The following XXYLT1 variants were observed in gnomAD, a reference collection of about 807,000 sequenced individuals.
The protein encoded by XXYLT1 is xyloside xylosyltransferase 1.
Under a neutral mutation model 28.9 loss-of-function variants are expected in XXYLT1, and 20 were observed. The ratio of observed to expected loss-of-function variants is 0.69; its 90% confidence interval spans 0.49 to 1.00. XXYLT1 has a LOEUF of 1.00. Ranked by LOEUF, XXYLT1 falls within the 50% of genes least tolerant of loss-of-function variation. XXYLT1 has a pLI of 0.00. For synonymous variants in XXYLT1, 257 were observed against 253.8 expected, an observed-to-expected ratio of 1.01 and a Z score of -0.12; for missense variants, 542 against 560.1, an observed-to-expected ratio of 0.97 and a Z score of 0.33.
intron 2 of XXYLT1, among the ~76,000 whole-genome samples, chr3:195,186,816 T>C (rs1722215827): frequency 6.6e-6 from 1 of 151,952 alleles, no homozygotes; most frequent in African/African-American, 2.4e-5. Flanking sequence ...TGAAACTGAA[T>C]AAATCTTTGC....
At chr3:195,153,127 C>A (rs993298470) in intron 3 of XXYLT1, among the ~76,000 whole-genome samples, 1 of 152,254 alleles carries the variant, frequency 6.6e-6, no homozygotes. Context: ...TGCTTCCTCT[C>A]TCCCCTTCCA....
At position 195,102,052 on chromosome 3, in the gene XXYLT1, GAGGAGGAATGGA is replaced by G. The variant is rs1716817287; in HGVS notation, c.786-31953_786-31942del. ...GGAAGAGAGAAAGAGGAAGGGAGGA[GAGGAGGAATGGA>G]AGGAGGAAGGGAAGGGAAAGGGAGG... On this transcript the variant is annotated intron_variant, in intron 3 of 3. Coordinates refer to ENST00000310380, the MANE Select transcript of XXYLT1 (RefSeq NM_152531.5). Among the ~76,000 whole-genome samples the G allele has an allele frequency of 5.8e-5, 6 of 102,700 alleles. No individual in the cohort carries two copies. The South Asian group carries it at 2.3e-3, about 40-fold the overall frequency. 67.4% of individuals were successfully genotyped at this position (102,700 alleles called of 152,430 possible).
At chr3:195,080,678 G>A (rs960352783) in intron 3 of XXYLT1, among the ~76,000 whole-genome samples, 22 of 152,190 alleles carry the variant, frequency 1.4e-4, no homozygotes, top group Non-Finnish European at 2.6e-4. Flanking sequence ...ACACATGGTG[G>A]GGTGTTTTCC....
At chr3:195,177,467 T>C (rs544544289) in intron 2 of XXYLT1, among the ~76,000 whole-genome samples, 3 of 152,272 alleles carry the variant, frequency 2.0e-5, no homozygotes, top group African/African-American at 7.2e-5. Flanking sequence ...AGACACAGAA[T>C]GGCAAACAGA....
chr3:195,144,862 C>T (rs945009353), intron 3 of XXYLT1, among the ~76,000 whole-genome samples: 4 of 152,182 alleles, frequency 2.6e-5, no homozygotes, highest in Non-Finnish European at 5.9e-5. Context: ...ACACTCCGTA[C>T]CCCTCCTAAA....
At chr3:195,237,409 A>G (rs1193803050) in intron 1 of XXYLT1, among the ~76,000 whole-genome samples, 1 of 152,078 alleles carries the variant, frequency 6.6e-6, no homozygotes, top group Non-Finnish European at 1.5e-5. Flanking sequence ...GTTCTCTCTG[A>G]GCACCATGTG....
chr3:195,194,258 C>T (rs1352043298), intron 2 of XXYLT1, among the ~76,000 whole-genome samples: 1 of 150,986 alleles, frequency 6.6e-6, no homozygotes, highest in African/African-American at 2.4e-5. Context: ...ATATAAACAA[C>T]TCAATTATAT....
At chr3:195,202,845 C>G (rs1722916329) in intron 2 of XXYLT1, among the ~76,000 whole-genome samples, 1 of 152,170 alleles carries the variant, frequency 6.6e-6, no homozygotes, top group African/African-American at 2.4e-5. Flanking sequence ...TAGTTCATTT[C>G]TCTGTTAGCA....
At chr3:195,143,795 T>TAG (rs1323602156) in intron 3 of XXYLT1, among the ~76,000 whole-genome samples, 2 of 116,408 alleles carry the variant, frequency 1.7e-5, no homozygotes, top group Non-Finnish European at 3.4e-5. Context: ...TATATATATA[T>TAG]ATATAGATAG....
At chr3:195,114,051 G>A (rs1717918320) in intron 3 of XXYLT1, among the ~76,000 whole-genome samples, 1 of 152,224 alleles carries the variant, frequency 6.6e-6, no homozygotes, top group Non-Finnish European at 1.5e-5. Flanking sequence ...CTGAGTCAGT[G>A]CCAGGTCACA....
intron 1 of XXYLT1, among the ~76,000 whole-genome samples, chr3:195,237,819 GTTTGTT>G (rs1375031418): frequency 6.6e-6 from 1 of 151,988 alleles, no homozygotes; most frequent in Non-Finnish European, 1.5e-5. Flanking sequence ...TTTGTTGTTT[GTTTGTT>G]TTTAATACTT....
rs573899664 is a variant in XXYLT1 at position 195,070,045 on chromosome 3, C to G, written c.852G>C (p.Gly284=). 31 of 1,599,940 alleles carry G rather than the reference C, an allele frequency of 1.9e-5. No individual in the cohort carries two copies. The African/African-American group carries it at 3.7e-4, about 19-fold the overall frequency. ...TCACCCCGCTGTTGAAGCCCGGCAG[C>G]CCCTCGGGGGGCGGGCCCCCAACCC... ...QTRVGGPPPE[G]LPGFNSGVML... The change falls in exon 4 of 4, where the codon GGG becomes GGC. Residue 284 remains glycine, a synonymous_variant. Transcript: ENST00000310380.
intron 2 of XXYLT1, among the ~76,000 whole-genome samples, chr3:195,157,826 G>T (rs972926795): frequency 1.3e-5 from 2 of 152,214 alleles, no homozygotes; most frequent in Non-Finnish European, 2.9e-5. Flanking sequence ...GAACACACGA[G>T]TGCAACTTCC....
intron 1 of XXYLT1, among the ~76,000 whole-genome samples, chr3:195,237,943 G>A (rs1577183220): frequency 6.6e-6 from 1 of 151,638 alleles, no homozygotes; most frequent in Non-Finnish European, 1.5e-5. Flanking sequence ...CTGCCCCTGC[G>A]ACCTCTCTGA....
intron 3 of XXYLT1, among the ~76,000 whole-genome samples, chr3:195,120,553 A>G (rs1247165670): frequency 6.6e-6 from 1 of 152,198 alleles, no homozygotes; most frequent in Non-Finnish European, 1.5e-5. Context: ...AATAACATTA[A>G]CTAACATTAT....
Position 195,143,833 on chromosome 3 carries a change from TATAGATATAG to T in XXYLT1, c.785+12606_785+12615del, listed in dbSNP as rs1299860771. ...ATATATAGATATAGATATATATAGATATAGATATAGATATATATATAGATATATATAGATA... is the reference window on the plus strand; with the variant it reads ...ATATATAGATATAGATATATATAGATATATATATATAGATATATATAGATA... On this transcript the variant is annotated intron_variant, in intron 3 of 3. Coordinates refer to ENST00000310380, the MANE Select transcript of XXYLT1 (RefSeq NM_152531.5). Among the ~76,000 whole-genome samples the T allele has an allele frequency of 1.3e-4, 12 of 90,942 alleles. No individual in the cohort carries two copies. The South Asian group carries it at 3.0e-3, about 23-fold the overall frequency. 59.7% of individuals were successfully genotyped at this position (90,942 alleles called of 152,430 possible).
At chr3:195,147,221 C>T (rs532411966) in intron 3 of XXYLT1, among the ~76,000 whole-genome samples, 3 of 152,262 alleles carry the variant, frequency 2.0e-5, no homozygotes, top group South Asian at 2.1e-4. Context: ...TCTTCTACTT[C>T]GTAATTCCTC....
chr3:195,198,621 C>A (rs1722724428), intron 2 of XXYLT1, among the ~76,000 whole-genome samples: 1 of 152,316 alleles, frequency 6.6e-6, no homozygotes, highest in East Asian at 1.9e-4. Flanking sequence ...TTAATGTTCA[C>A]AAACTGATAG....
chr3:195,113,279 C>T (rs1717878341), intron 3 of XXYLT1, among the ~76,000 whole-genome samples: 1 of 152,102 alleles, frequency 6.6e-6, no homozygotes, highest in Non-Finnish European at 1.5e-5. Flanking sequence ...GGCGGGAGCT[C>T]GGAAAAACGC....
Sources: allele counts gnomAD v4.1 joint callset (sites outside exome capture counted in the v4.1 genomes callset), GRCh38; gene constraint gnomAD v4.1.1; transcripts MANE v1.5; gene names NCBI Gene and HGNC (gene_info 2026-07-23, HGNC 2026-07-21).